ZNF442: variants seen among roughly 807,000 people sequenced by gnomAD.
ZNF442 encodes zinc finger protein 442.
ZNF442 carries 45 observed loss-of-function variants against 57.0 expected under a neutral mutation model. The observed-to-expected ratio is 0.79, with a 90% CI of 0.62 to 1.01. The LOEUF (loss-of-function observed/expected upper bound fraction) is 1.01, where lower values mean the gene tolerates loss of function less well. Ranked by LOEUF, ZNF442 falls within the 50% of genes least tolerant of loss-of-function variation. ZNF442 has a pLI of 0.00. For synonymous variants in ZNF442, 213 were observed against 241.8 expected, an observed-to-expected ratio of 0.88 and a Z score of 1.10; for missense variants, 690 against 756.5, an observed-to-expected ratio of 0.91 and a Z score of 1.03.
intron 3 of ZNF442, among the ~76,000 whole-genome samples, chr19:12,353,759 C>T (rs754176365): frequency 2.0e-5 from 3 of 152,086 alleles, no homozygotes; most frequent in Non-Finnish European, 1.5e-5. Flanking sequence ...TGAAAGATGG[C>T]GCTTGAAGAG....
chr19:12,362,198 G>A (rs1224303664), intron 3 of ZNF442, among the ~76,000 whole-genome samples: 3 of 152,096 alleles, frequency 2.0e-5, no homozygotes, highest in African/African-American at 7.2e-5. Context: ...GGGATGTGAG[G>A]AGCCCCTCTG....
the ZNF442 span, among the ~76,000 whole-genome samples, chr19:12,372,700 T>C: frequency 3.3e-5 from 5 of 152,208 alleles, no homozygotes; most frequent in African/African-American, 7.2e-5. Context: ...ATAAAGACAA[T>C]AGAGTTACAC....
rs1349441114 is a variant in ZNF442, at chr19:12,348,590, A to G, written c.*1111T>C. On this transcript the variant is annotated 3_prime_UTR_variant, in exon 6 of 6. Transcript: ENST00000242804. The stretch of plus-strand genomic sequence containing the variant: ...CTCATGCTGAACAGATTCTGACATT[A>G]GTATTATTTAGTCTCTTCCAAACTC... The G allele has an allele frequency of 2.0e-5, 3 of 152,200 alleles. No homozygotes were observed. Among genetic ancestry groups the G allele is most frequent in the African/African-American group, 7.2e-5 (3 of 41,440 alleles). 9.4% of individuals were successfully genotyped at this position (152,200 alleles called of 1,614,324 possible). A position where few individuals can be genotyped will look rare whatever the true frequency, so the allele number is the denominator to read the frequency against.
chr19:12,356,927 A>T (rs1438970996), intron 3 of ZNF442, among the ~76,000 whole-genome samples: 1 of 152,192 alleles, frequency 6.6e-6, no homozygotes, highest in African/African-American at 2.4e-5. Flanking sequence ...ATAGTATCCC[A>T]ATGAGTTAAA....
chr19:12,367,713 G>A (rs1260416140), upstream of ZNF442, among the ~76,000 whole-genome samples: 1 of 151,940 alleles, frequency 6.6e-6, no homozygotes, highest in Non-Finnish European at 1.5e-5. Flanking sequence ...CTGTCCCCCA[G>A]GCTGGAGTGC....
intron 3 of ZNF442, among the ~76,000 whole-genome samples, chr19:12,363,094 G>A (rs1039964949): frequency 6.7e-6 from 1 of 149,568 alleles, no homozygotes; most frequent in Non-Finnish European, 1.5e-5. Context: ...AGAAGGCAGA[G>A]GTTGCAGTAA....
chr19:12,348,695 T>C lies in ZNF442; in HGVS notation c.*1006A>G, dbSNP rs1969164112. On this transcript the variant is annotated 3_prime_UTR_variant, in exon 6 of 6. Coordinates refer to ENST00000242804, the MANE Select transcript of ZNF442 (RefSeq NM_030824.3). ...TGTCAAGATTCAAGTGAGCCTGATG[T>C]CTCACTGTTTATCTACAGTGCCACC... The C allele has an allele frequency of 6.6e-6, 1 of 152,134 alleles. No homozygotes were observed. The highest frequency in any genetic ancestry group is 1.5e-5 in the Non-Finnish European group (1 of 68,024). 9.4% of individuals were successfully genotyped at this position (152,134 alleles called of 1,614,324 possible).
rs547916207 is a variant in ZNF442, at chr19:12,351,046, C to T, written c.539G>A (p.Arg180His). Residue 180 changes from arginine to histidine, a missense_variant, in exon 6 of 6, where the codon CGC (arginine) becomes CAC (histidine). Physicochemically the swap from Arg to His is conservative, Grantham distance 29. Coordinates refer to ENST00000242804, the MANE Select transcript of ZNF442 (RefSeq NM_030824.3). ...TQERPHTGKK[R>H]YDCKECGKTF... Reference sequence around the variant, plus strand: ...TTTCCCACATTCCTTACAATCATAGCGTTTCTTTCCAGTGTGAGGTCTTTC... The same window carrying T: ...TTTCCCACATTCCTTACAATCATAGTGTTTCTTTCCAGTGTGAGGTCTTTC... The T allele has an allele frequency of 3.1e-5, 50 of 1,614,076 alleles. No individual in the cohort carries two copies. In the East Asian group the frequency reaches 4.7e-4, roughly 15 times the overall value.
At position 12,357,349 on chromosome 19, in the gene ZNF442, C is replaced by CTT. The variant is rs5827145; in HGVS notation, c.79-4237_79-4236dup. Among the ~76,000 whole-genome samples, 612 of 95,292 alleles carry CTT rather than the reference C, an allele frequency of 6.4e-3. 4 individuals are homozygous for CTT. The highest frequency in any genetic ancestry group is 7.0e-3 in the Non-Finnish European group (357 of 50,780). The allele number at this position is 95,292 out of a possible 152,430, so 62.5% of individuals were successfully genotyped here. ...CTACCCCCAGAATTTCTTTTTCTTT[C>CTT]TTTTTTTTTTTTTTTTTTTTTGGAC... On this transcript the variant is annotated intron_variant, in intron 3 of 5. Transcript: ENST00000242804.
At chr19:12,355,247 C>T (rs866774459) in intron 3 of ZNF442, among the ~76,000 whole-genome samples, 5 of 143,400 alleles carry the variant, frequency 3.5e-5, no homozygotes, top group East Asian at 2.1e-4. Flanking sequence ...GCCGAGATCG[C>T]GCCACTGCAC....
intron 3 of ZNF442, among the ~76,000 whole-genome samples, chr19:12,355,361 G>T (rs1269597674): frequency 1.4e-5 from 2 of 146,458 alleles, no homozygotes; most frequent in African/African-American, 2.6e-5. Flanking sequence ...GATTTAATGA[G>T]AATTTTTTTT....
intron 4 of ZNF442, among the ~76,000 whole-genome samples, chr19:12,352,467 A>T (rs1599588053): frequency 6.6e-6 from 1 of 151,972 alleles, no homozygotes; most frequent in African/African-American, 2.4e-5. Context: ...CGGCCTCCCA[A>T]AGTGCTGGGA....
intron 3 of ZNF442, among the ~76,000 whole-genome samples, chr19:12,355,707 C>T (rs1346407503): frequency 6.6e-6 from 1 of 151,220 alleles, no homozygotes; most frequent in Non-Finnish European, 1.5e-5. Flanking sequence ...GTGGCTCACA[C>T]CTATATTCCC....
At chr19:12,352,849 G>T in intron 4 of ZNF442, 139 bp downstream of exon 4, 1 of 971,390 alleles carries the variant, frequency 1.0e-6, no homozygotes, top group East Asian at 2.8e-5. Context: ...CAACTGGTTG[G>T]GGACCCAGCA....
At chr19:12,364,418 AAAAG>A (rs1555756630) in intron 2 of ZNF442, among the ~76,000 whole-genome samples, 60 of 151,846 alleles carry the variant, frequency 4.0e-4, no homozygotes, top group Admixed American at 1.6e-3. Flanking sequence ...AAAAAAAAAA[AAAAG>A]AAAGAAAGAA....
At chr19:12,367,222 TG>T (rs1192992597), upstream of ZNF442, among the ~76,000 whole-genome samples, 1 of 152,194 alleles carries the variant, frequency 6.6e-6, no homozygotes, top group Non-Finnish European at 1.5e-5. Context: ...ATTTTACAGC[TG>T]GGCCTCCAGG....
At chr19:12,370,052 G>A (rs1456979577), upstream of ZNF442, among the ~76,000 whole-genome samples, 9 of 152,026 alleles carry the variant, frequency 5.9e-5, no homozygotes, top group East Asian at 1.7e-3. Flanking sequence ...ATTTTTCCAT[G>A]TACTGGAGTG....
chr19:12,372,047 C>T, the ZNF442 span, among the ~76,000 whole-genome samples: 3 of 152,166 alleles, frequency 2.0e-5, no homozygotes, highest in South Asian at 6.2e-4. Flanking sequence ...AACTATACAT[C>T]TGACAAAGGT....
chr19:12,359,478 A>G (rs1310769985), intron 3 of ZNF442, among the ~76,000 whole-genome samples: 1 of 152,098 alleles, frequency 6.6e-6, no homozygotes, highest in African/African-American at 2.4e-5. Flanking sequence ...CCAAATTCCC[A>G]TTTTTTATCT....
Sources: gnomAD v4.1 joint callset for allele counts (sites outside exome capture counted in the v4.1 genomes callset) on GRCh38, gnomAD v4.1.1 for gene constraint, MANE v1.5 for transcripts, NCBI Gene and HGNC (gene_info 2026-07-23, HGNC 2026-07-21) for gene names.